TBC1D31: variants seen among roughly 807,000 people sequenced by gnomAD.
TBC1D31 encodes the protein TBC1 domain family member 31.
A neutral mutation model predicts 132.9 loss-of-function variants in TBC1D31; 99 were observed. That is an observed-to-expected ratio of 0.74 (90% CI 0.63 to 0.88). The LOEUF is 0.88. Among genes scored for constraint, TBC1D31 ranks in the 40% least tolerant of loss-of-function variants. The pLI, the probability that TBC1D31 is intolerant of heterozygous loss-of-function variation, is 0.00. For synonymous variants in TBC1D31, 385 were observed against 419.4 expected (o/e 0.92, Z 1.00); for missense variants, 1,134 against 1,256.6 (o/e 0.90, Z 1.48).
chr8:123,079,680 A>C (rs1459172545), intron 2 of TBC1D31, among the ~76,000 whole-genome samples: 1 of 152,156 alleles, frequency 6.6e-6, no homozygotes, highest in Non-Finnish European at 1.5e-5. Flanking sequence ...TTCTCCACCA[A>C]GTGTTGCAAA....
At chr8:123,102,236 A>G (rs891476815) in intron 7 of TBC1D31, 10 of 456,538 alleles carry the variant, frequency 2.2e-5, no homozygotes, top group African/African-American at 1.4e-4. Flanking sequence ...TAACCCTTTC[A>G]TTTTACACAG....
intron 4 of TBC1D31, among the ~76,000 whole-genome samples, chr8:123,085,700 C>T (rs779808327): frequency 1.1e-4 from 17 of 152,194 alleles, no homozygotes; most frequent in South Asian, 2.1e-4. Flanking sequence ...TGAGCCACCG[C>T]GCCGGGCCCC....
At chr8:123,133,006 G>A (rs1218798780) in intron 16 of TBC1D31, among the ~76,000 whole-genome samples, 8 of 152,068 alleles carry the variant, frequency 5.3e-5, no homozygotes, top group Non-Finnish European at 1.2e-4. Context: ...TCTGGCCTCC[G>A]CCTACCCTTG....
intron 4 of TBC1D31, among the ~76,000 whole-genome samples, chr8:123,087,911 G>A (rs576613546): frequency 2.6e-4 from 40 of 152,322 alleles, no homozygotes; most frequent in South Asian, 2.1e-4. Context: ...GACCGGGTAC[G>A]GGGGCTTACG....
intron 10 of TBC1D31, among the ~76,000 whole-genome samples, chr8:123,116,602 T>C (rs2130644108): frequency 6.6e-6 from 1 of 152,182 alleles, no homozygotes; most frequent in Non-Finnish European, 1.5e-5. Context: ...ATTGCCAAGC[T>C]CTTTCTACCG....
downstream of TBC1D31, among the ~76,000 whole-genome samples, chr8:123,156,458 A>AAAC (rs1563768182): frequency 6.6e-6 from 1 of 151,656 alleles, no homozygotes; most frequent in Admixed American, 6.6e-5. Context: ...AAAAAAAAAA[A>AAAC]AATACCCCAG....
intron 10 of TBC1D31, among the ~76,000 whole-genome samples, chr8:123,118,718 G>T (rs532474379): frequency 1.3e-5 from 2 of 152,022 alleles, no homozygotes; most frequent in Non-Finnish European, 2.9e-5. Context: ...GTGGTAAAAT[G>T]GTTCTTTCTA....
In TBC1D31 at chr8:123,072,844, C is replaced by T. The variant is rs1203704848; in HGVS notation, c.75C>T (p.Asp25=). 6.4e-7 allele frequency: 1 copy of T among 1,564,162 alleles called. No individual in the cohort carries two copies. Among genetic ancestry groups the T allele is most frequent in the Non-Finnish European group, 8.7e-7 (1 of 1,154,542 alleles). The change falls in exon 1 of 22, where the codon GAC becomes GAT. Residue 25 remains aspartate, a splice_region_variant and synonymous_variant. Coordinates refer to ENST00000287380, the MANE Select transcript of TBC1D31 (RefSeq NM_145647.4). ...GCAAGCCGTCCCCGGCCACGCGGGA[C>T]GGGTAAAGGCCGTGGCGGGAGGGCG... The part of the protein sequence containing the change: ...WHRKPSPATR[D]GIIVNIIHNT...
intron 2 of TBC1D31, 50 bp downstream of exon 2, chr8:123,077,307 C>A: frequency 6.6e-7 from 1 of 1,516,292 alleles, no homozygotes; most frequent in Non-Finnish European, 8.9e-7. Context: ...TATTAATTCA[C>A]TGACTGTTTT....
chr8:123,147,995 T>C (rs1407275308), intron 20 of TBC1D31, among the ~76,000 whole-genome samples: 1 of 151,812 alleles, frequency 6.6e-6, no homozygotes, highest in African/African-American at 2.4e-5. Context: ...GGCGTGGTGG[T>C]ACACACCTGT....
At chr8:123,114,746 C>T (rs891826599) in intron 10 of TBC1D31, among the ~76,000 whole-genome samples, 7 of 152,168 alleles carry the variant, frequency 4.6e-5, no homozygotes, top group African/African-American at 1.7e-4. Context: ...GCACCTCTTC[C>T]AGCCCCAATT....
In TBC1D31 at chr8:123,105,442, C is replaced by G. The variant is rs1660586350; in HGVS notation, c.1187C>G (p.Thr396Ser). 1 of 1,609,298 alleles carries G rather than the reference C, an allele frequency of 6.2e-7. No individual in the cohort carries two copies. Among genetic ancestry groups the G allele is most frequent in the African/African-American group, 1.3e-5 (1 of 74,832 alleles). Residue 396 changes from threonine (T) to serine (S), a missense_variant, in exon 8 of 22, where the codon ACT becomes AGT. Coordinates refer to ENST00000287380, the MANE Select transcript of TBC1D31 (RefSeq NM_145647.4). Reference protein sequence around the residue: ...MQTRILKQDLTGDFESKKNEL... With the variant: ...MQTRILKQDLSGDFESKKNEL... The stretch of plus-strand genomic sequence containing the variant: ...ACTAGAATATTAAAACAAGACCTGA[C>G]TGGTGATTTTGAAAGTAAAAAGGTA...
At chr8:123,098,036 A>T (rs1817001582) in intron 6 of TBC1D31, among the ~76,000 whole-genome samples, 2 of 152,022 alleles carry the variant, frequency 1.3e-5, no homozygotes, top group Non-Finnish European at 2.9e-5. Flanking sequence ...ACTGTCGTGG[A>T]TCTTGTATTT....
chr8:123,082,843 T>C, intron 3 of TBC1D31, 26 bp downstream of exon 3: 1 of 1,495,252 alleles, frequency 6.7e-7, no homozygotes, highest in Non-Finnish European at 9.3e-7. Context: ...ATTTTTCTTT[T>C]GAAGCAGAGT....
intron 11 of TBC1D31, chr8:123,123,415 C>A: frequency 5.7e-6 from 1 of 174,288 alleles, no homozygotes; most frequent in Non-Finnish European, 1.3e-5. Flanking sequence ...TTTTCTTGTT[C>A]TGTTCTTAAT....
rs377382269 is a variant in TBC1D31, at chr8:123,151,960, G to T, written c.*21G>T. 3.4e-6 allele frequency: 5 copies of T among 1,458,588 alleles called. No homozygotes were observed. The African/African-American group carries it at 5.8e-5, about 17-fold the overall frequency. The allele number at this position is 1,458,588 out of a possible 1,614,324, so 90.4% of individuals were successfully genotyped here. A position where few individuals can be genotyped will look rare whatever the true frequency, so the allele number is the denominator to read the frequency against. ...CATAGAATGCATGTCACCTTGAGAC[G>T]GTCGAGAGAGAGACCTATTTTGCAA... is the stretch of plus-strand genomic sequence containing the variant. On this transcript the variant is annotated 3_prime_UTR_variant, in exon 22 of 22. Coordinates refer to ENST00000287380, the MANE Select transcript of TBC1D31 (RefSeq NM_145647.4).
At chr8:123,094,021 A>G (rs534082923) in intron 5 of TBC1D31, among the ~76,000 whole-genome samples, 7 of 152,012 alleles carry the variant, frequency 4.6e-5, no homozygotes, top group African/African-American at 1.7e-4. Flanking sequence ...GAACCACTAA[A>G]TATTTCCATA....
At chr8:123,135,530 G>C in intron 17 of TBC1D31, among the ~76,000 whole-genome samples, 1 of 152,234 alleles carries the variant, frequency 6.6e-6, no homozygotes, top group East Asian at 1.9e-4. Context: ...GAGCCCGGGG[G>C]ACGGAGGCTG....
chr8:123,113,703 G>A lies in TBC1D31; in HGVS notation c.1436+4083G>A, dbSNP rs566766225. Among the ~76,000 whole-genome samples, 14 of 152,232 alleles carry A rather than the reference G, an allele frequency of 9.2e-5. No individual in the cohort carries two copies. The South Asian group carries it at 2.9e-3, about 32-fold the overall frequency. On this transcript the variant is annotated intron_variant, in intron 10 of 21. Transcript: ENST00000287380. ...CCATTGTAACTAATTCTGTGTAGGT[G>A]TACTTTAAATTATAATCCTAGTTTA... is the stretch of plus-strand genomic sequence containing the variant.
Sources: allele counts gnomAD v4.1 joint callset (sites outside exome capture counted in the v4.1 genomes callset), GRCh38; gene constraint gnomAD v4.1.1; transcripts MANE v1.5; gene names NCBI Gene and HGNC (gene_info 2026-07-23, HGNC 2026-07-21).